Variants in TMEM132D observed in about 807,000 individuals in gnomAD.
TMEM132D encodes the protein transmembrane protein 132D, also known as mature OL transmembrane protein.
A neutral mutation model predicts 62.3 loss-of-function variants in TMEM132D; 21 were observed. The observed-to-expected ratio is 0.34, with a 90% CI of 0.24 to 0.49. TMEM132D has a LOEUF of 0.49. TMEM132D is among the 20% of genes least tolerant of loss of function. The pLI, the probability that TMEM132D is intolerant of heterozygous loss-of-function variation, is 0.99. For synonymous variants in TMEM132D, 621 were observed against 575.6 expected (o/e 1.08, Z -1.13); for missense variants, 1,346 against 1,402.8 (o/e 0.96, Z 0.65).
At chr12:129,552,003 T>C (rs918054455) in intron 2 of TMEM132D, among the ~76,000 whole-genome samples, 1 of 152,208 alleles carries the variant, frequency 6.6e-6, no homozygotes, top group African/African-American at 2.4e-5. Flanking sequence ...AAAGTCCTTA[T>C]ACATAGGCGA....
chr12:129,465,133 C>T (rs1429525930), intron 3 of TMEM132D, among the ~76,000 whole-genome samples: 2 of 152,064 alleles, frequency 1.3e-5, no homozygotes, highest in Non-Finnish European at 2.9e-5. Flanking sequence ...TGTTTGTATC[C>T]TCTTTTATTT....
intron 5 of TMEM132D, among the ~76,000 whole-genome samples, chr12:129,199,913 GACACAGCCAA>G (rs1338494504): frequency 6.6e-6 from 1 of 152,136 alleles, no homozygotes; most frequent in Non-Finnish European, 1.5e-5. Context: ...TTTGGGTGGG[GACACAGCCAA>G]ACCATATCAA....
At chr12:129,890,090 T>C (rs996013005) in intron 1 of TMEM132D, among the ~76,000 whole-genome samples, 5 of 152,182 alleles carry the variant, frequency 3.3e-5, no homozygotes, top group African/African-American at 7.2e-5. Context: ...AGTATGAAGA[T>C]TGGCACACAG....
chr12:129,769,001 A>G (rs1433269458), intron 1 of TMEM132D, among the ~76,000 whole-genome samples: 2 of 152,164 alleles, frequency 1.3e-5, no homozygotes, highest in Non-Finnish European at 1.5e-5. Context: ...AGCCCACATC[A>G]AGTACAGTAG....
intron 4 of TMEM132D, among the ~76,000 whole-genome samples, chr12:129,288,607 C>T (rs972050244): frequency 4.6e-5 from 7 of 152,118 alleles, no homozygotes; most frequent in African/African-American, 9.7e-5. Flanking sequence ...AGACAGCAAG[C>T]GTTGACAAGC....
intron 5 of TMEM132D, among the ~76,000 whole-genome samples, chr12:129,105,902 C>G (rs1443324618): frequency 6.6e-6 from 1 of 151,092 alleles, no homozygotes; most frequent in Non-Finnish European, 1.5e-5. Flanking sequence ...TTTGACCCAG[C>G]CATCCCATTA....
intron 5 of TMEM132D, among the ~76,000 whole-genome samples, chr12:129,087,763 A>C (rs1874667516): frequency 6.6e-6 from 1 of 152,198 alleles, no homozygotes. Context: ...CCACCATCTC[A>C]CAAAGCTGCT....
intron 1 of TMEM132D, among the ~76,000 whole-genome samples, chr12:129,731,168 C>T (rs887747874): frequency 4.6e-5 from 7 of 151,880 alleles, no homozygotes; most frequent in East Asian, 1.9e-4. Context: ...ATGCTTTGTA[C>T]GGTCTGAATC....
intron 2 of TMEM132D, among the ~76,000 whole-genome samples, chr12:129,694,979 C>T (rs1336729053): frequency 2.0e-5 from 3 of 152,022 alleles, no homozygotes; most frequent in Non-Finnish European, 4.4e-5. Flanking sequence ...TTGCACTCCA[C>T]CCTGGGTGAC....
At chr12:129,084,446 C>A (rs753933036) in intron 6 of TMEM132D, 51 bp downstream of exon 6, 3 of 1,528,176 alleles carry the variant, frequency 2.0e-6, no homozygotes, top group Non-Finnish European at 2.6e-6. Context: ...AAATTTACCA[C>A]CCCGTACACT....
intron 1 of TMEM132D, among the ~76,000 whole-genome samples, chr12:129,809,768 G>T (rs936917397): frequency 1.2e-4 from 19 of 152,118 alleles, no homozygotes; most frequent in African/African-American, 4.3e-4. Flanking sequence ...GGAAATATGA[G>T]CAGAAAATAT....
At chr12:129,291,025 G>A (rs928082726) in intron 4 of TMEM132D, among the ~76,000 whole-genome samples, 1 of 152,144 alleles carries the variant, frequency 6.6e-6, no homozygotes, top group Non-Finnish European at 1.5e-5. Flanking sequence ...GCAATAAAGT[G>A]ATTTTCCTGG....
intron 3 of TMEM132D, among the ~76,000 whole-genome samples, chr12:129,445,820 G>A (rs966427417): frequency 6.6e-6 from 1 of 152,152 alleles, no homozygotes; most frequent in Non-Finnish European, 1.5e-5. Context: ...AGTAGCAGAC[G>A]CTGAGATGCA....
chr12:129,689,895 C>G (rs1881023386), intron 2 of TMEM132D, among the ~76,000 whole-genome samples: 1 of 152,164 alleles, frequency 6.6e-6, no homozygotes, highest in African/African-American at 2.4e-5. Flanking sequence ...ACTACATTTT[C>G]TTAGACTCAT....
intron 1 of TMEM132D, among the ~76,000 whole-genome samples, chr12:129,703,118 C>A (rs1269075360): frequency 4.6e-5 from 7 of 152,198 alleles, no homozygotes; most frequent in Non-Finnish European, 1.0e-4. Flanking sequence ...GCCATTCGTG[C>A]TAGAAACAGC....
Position 129,420,306 on chromosome 12 carries a change from G to GTTTTTTTTTTTTTT in TMEM132D, c.1116-82503_1116-82490dup, listed in dbSNP as rs71082709. On this transcript the variant is annotated intron_variant, in intron 3 of 8. Coordinates refer to ENST00000422113, the MANE Select transcript of TMEM132D (RefSeq NM_133448.3). Reference sequence around the variant, plus strand: ...AATTTCAAATTATTGCACGTTCTCTGTTTTTTTTTTTTTTTTTTTTTTTTG... The same window carrying GTTTTTTTTTTTTTT: ...AATTTCAAATTATTGCACGTTCTCTGTTTTTTTTTTTTTTTTTTTTTTTTTTTTTTTTTTTTTTG... Among the ~76,000 whole-genome samples, 23 of 112,298 alleles carry GTTTTTTTTTTTTTT rather than the reference G, an allele frequency of 2.0e-4. 1 individual carries two copies. Among genetic ancestry groups the GTTTTTTTTTTTTTT allele is most frequent in the South Asian group, 6.8e-4 (2 of 2,948 alleles). The allele number at this position is 112,298 out of a possible 152,430, so 73.7% of individuals were successfully genotyped here. A position where few individuals can be genotyped will look rare whatever the true frequency, so the allele number is the denominator to read the frequency against.
chr12:129,730,986 T>C lies in TMEM132D; in HGVS notation c.80-30288A>G, dbSNP rs140887845. The stretch of plus-strand genomic sequence containing the variant: ...CCTACGTGGGACCTCACTTTGTGAT[T>C]GTGGGAGTCAATACTCCTTAATAAA... On this transcript the variant is annotated intron_variant, in intron 1 of 8. Transcript: ENST00000422113. Among the ~76,000 whole-genome samples the C allele has an allele frequency of 3.2e-3, 488 of 152,242 alleles. 2 individuals carry two copies. Among genetic ancestry groups the C allele is most frequent in the African/African-American group, 0.011 (467 of 41,538 alleles).
At chr12:129,296,689 T>C (rs1881586575) in intron 4 of TMEM132D, among the ~76,000 whole-genome samples, 1 of 152,192 alleles carries the variant, frequency 6.6e-6, no homozygotes, top group South Asian at 2.1e-4. Flanking sequence ...GACTAACTCA[T>C]AAACAGTAGC....
chr12:129,500,810 GTTA>G (rs1875116801), intron 3 of TMEM132D, among the ~76,000 whole-genome samples: 1 of 152,130 alleles, frequency 6.6e-6, no homozygotes, highest in African/African-American at 2.4e-5. Context: ...TTGTATTTGT[GTTA>G]TTATGCATTT....
Sources: gnomAD v4.1 joint callset for allele counts (sites outside exome capture counted in the v4.1 genomes callset) on GRCh38, gnomAD v4.1.1 for gene constraint, MANE v1.5 for transcripts, NCBI Gene and HGNC (gene_info 2026-07-23, HGNC 2026-07-21) for gene names.